The following POLR3B variants were observed in gnomAD, a reference collection of about 807,000 sequenced individuals.
POLR3B encodes RNA polymerase III subunit B.
In POLR3B, 96 loss-of-function variants were observed where a neutral mutation model predicts 147.4. The observed-to-expected ratio is 0.65, with a 90% CI of 0.55 to 0.77. The LOEUF (loss-of-function observed/expected upper bound fraction) is 0.77, where lower values mean the gene tolerates loss of function less well. Ranked by LOEUF, POLR3B falls within the 30% of genes least tolerant of loss-of-function variation. The pLI is 0.00. For synonymous variants in POLR3B, 461 were observed against 485.9 expected (o/e 0.95, Z 0.67); for missense variants, 1,036 against 1,413.5 (o/e 0.73, Z 4.28).
In POLR3B at chr12:106,380,117, T is replaced by C. The variant is rs750692716; in HGVS notation, c.701T>C (p.Ile234Thr). ...AGGCATAATACTTTGTCAGAAGATA[T>C]ACCCATTGTCATCATATTTAAGGTA... is the stretch of plus-strand genomic sequence containing the variant. ...YLRHNTLSED[I>T]PIVIIFKAMG... is the part of the protein sequence containing the mutation. Residue 234 changes from isoleucine to threonine, a missense_variant, in exon 9 of 28, where the codon ATA becomes ACA. Physicochemically the swap from Ile to Thr is moderately conservative, Grantham distance 89. Coordinates refer to ENST00000228347, the MANE Select transcript of POLR3B (RefSeq NM_018082.6). 14 of 1,593,302 alleles carry C rather than the reference T, an allele frequency of 8.8e-6. No individual in the cohort carries two copies. Among genetic ancestry groups the C allele is most frequent in the South Asian group, 1.1e-5 (1 of 90,672 alleles).
intron 19 of POLR3B, among the ~76,000 whole-genome samples, chr12:106,453,050 G>C (rs1392830671): frequency 6.8e-6 from 1 of 147,308 alleles, no homozygotes; most frequent in Non-Finnish European, 1.5e-5. Flanking sequence ...TTTGAGACAG[G>C]GTCTTGCTCT....
At chr12:106,477,238 G>A (rs1435845843) in intron 23 of POLR3B, among the ~76,000 whole-genome samples, 1 of 99,188 alleles carries the variant, frequency 1.0e-5, no homozygotes, top group Non-Finnish European at 1.9e-5. Flanking sequence ...CAGATCTCAA[G>A]CTGCGTGCTG....
chr12:106,405,536 G>A (rs1242191290), intron 10 of POLR3B, among the ~76,000 whole-genome samples: 1 of 65,582 alleles, frequency 1.5e-5, no homozygotes, highest in Non-Finnish European at 3.0e-5. Context: ...GCTGCTATAT[G>A]TCTACACACA....
chr12:106,440,823 C>T (rs2037640697), intron 18 of POLR3B, among the ~76,000 whole-genome samples: 2 of 151,644 alleles, frequency 1.3e-5, no homozygotes, highest in South Asian at 4.2e-4. Context: ...CACTTAGAAG[C>T]TTCACGAAGG....
At chr12:106,375,519 T>A (rs2036666145) in intron 6 of POLR3B, among the ~76,000 whole-genome samples, 1 of 152,266 alleles carries the variant, frequency 6.6e-6, no homozygotes, top group African/African-American at 2.4e-5. Context: ...CTTCCATCTC[T>A]ACGTCTTTCT....
intron 20 of POLR3B, among the ~76,000 whole-genome samples, chr12:106,455,051 T>A (rs1390150659): frequency 1.3e-5 from 2 of 152,194 alleles, no homozygotes; most frequent in African/African-American, 2.4e-5. Context: ...CTGTGTCTAG[T>A]GATACATATT....
intron 16 of POLR3B, among the ~76,000 whole-genome samples, chr12:106,434,378 C>CT (rs2037549558): frequency 1.3e-5 from 2 of 151,912 alleles, no homozygotes; most frequent in African/African-American, 4.8e-5. Flanking sequence ...ACAAACTGAG[C>CT]TTTAAAGGAG....
chr12:106,371,393 G>C (rs2036604354), intron 6 of POLR3B, among the ~76,000 whole-genome samples: 3 of 152,082 alleles, frequency 2.0e-5, no homozygotes, highest in Non-Finnish European at 4.4e-5. Flanking sequence ...ATTCCTCAGG[G>C]ATCTAGAACT....
intron 23 of POLR3B, among the ~76,000 whole-genome samples, chr12:106,489,444 A>G (rs1343008424): frequency 6.6e-6 from 1 of 152,228 alleles, no homozygotes; most frequent in Admixed American, 6.5e-5. Context: ...TTATAAGGTC[A>G]CTTGCTTCCA....
At chr12:106,465,347 A>G (rs916030093) in intron 23 of POLR3B, among the ~76,000 whole-genome samples, 3 of 152,200 alleles carry the variant, frequency 2.0e-5, no homozygotes, top group Non-Finnish European at 4.4e-5. Context: ...CCCCTTCTGA[A>G]TCAGTTTACA....
intron 23 of POLR3B, 80 bp downstream of exon 23, chr12:106,463,700 T>C (rs1156723824): frequency 8.4e-7 from 1 of 1,186,604 alleles, no homozygotes; most frequent in Non-Finnish European, 1.2e-6. Context: ...AATTCCCCCA[T>C]TTAAAAAATT....
At chr12:106,400,316 G>A (rs946125449) in intron 10 of POLR3B, among the ~76,000 whole-genome samples, 1 of 152,158 alleles carries the variant, frequency 6.6e-6, no homozygotes, top group African/African-American at 2.4e-5. Flanking sequence ...CAATATAGGA[G>A]CACCCAGATT....
chr12:106,394,923 A>G lies in POLR3B; in HGVS notation c.846+1770A>G, dbSNP rs143614459. On this transcript the variant is annotated intron_variant, in intron 10 of 27. Coordinates refer to ENST00000228347, the MANE Select transcript of POLR3B (RefSeq NM_018082.6). ...ACCCAAAATAGTTGGTATGTAGAAC[A>G]TATATTAACAGTTACGAAAACATGA... 1.4e-3 allele frequency among the ~76,000 whole-genome samples: 214 copies of G among 152,384 alleles called. 2 individuals are homozygous for G. Among genetic ancestry groups the G allele is most frequent in the African/African-American group, 4.8e-3 (200 of 41,596 alleles).
intron 1 of POLR3B, among the ~76,000 whole-genome samples, chr12:106,363,136 T>C (rs1416351084): frequency 1.3e-5 from 2 of 152,192 alleles, no homozygotes; most frequent in African/African-American, 4.8e-5. Context: ...CTCTTCTCCA[T>C]CTACATTCCA....
At chr12:106,468,268 G>C (rs12369273) in intron 23 of POLR3B, among the ~76,000 whole-genome samples, 59,612 of 152,064 alleles carry the variant, frequency 0.39, 13,835 homozygotes, top group African/African-American at 0.65. Flanking sequence ...TCTGATGGTA[G>C]TTTGTATTTC....
chr12:106,429,168 GC>G (rs556241677), intron 13 of POLR3B, among the ~76,000 whole-genome samples: 103 of 152,152 alleles, frequency 6.8e-4, no homozygotes, highest in Non-Finnish European at 1.3e-3. Context: ...TGCTCTTTTT[GC>G]TTTTTTTTGG....
chr12:106,491,812 T>A (rs1158387908), intron 23 of POLR3B, among the ~76,000 whole-genome samples: 1 of 152,130 alleles, frequency 6.6e-6, no homozygotes, highest in South Asian at 2.1e-4. Context: ...TCCCCAGCAA[T>A]TGAGGGAAAT....
At chr12:106,376,519 C>A in intron 7 of POLR3B, 69 bp downstream of exon 7, 1 of 1,110,172 alleles carries the variant, frequency 9.0e-7, no homozygotes, top group East Asian at 2.4e-5. Context: ...GTGGTTTTAA[C>A]ATTTTGTCTC....
chr12:106,496,737 G>A lies in POLR3B; in HGVS notation c.2818-15G>A, dbSNP rs767647410. 6 of 1,613,796 alleles carry A rather than the reference G, an allele frequency of 3.7e-6. No individual in the cohort carries two copies. In the East Asian group the frequency reaches 1.3e-4, roughly 36 times the overall value. The stretch of plus-strand genomic sequence containing the variant: ...CCACAGGGAGGTGCTCACTTAATTT[G>A]TTCACATCCTGCAGGTGGGGAAGCT... On this transcript the variant is annotated splice_polypyrimidine_tract_variant and intron_variant, in intron 24 of 27. Transcript: ENST00000228347.
Sources: gnomAD v4.1 joint callset for allele counts (sites outside exome capture counted in the v4.1 genomes callset) on GRCh38, gnomAD v4.1.1 for gene constraint, MANE v1.5 for transcripts, NCBI Gene and HGNC (gene_info 2026-07-23, HGNC 2026-07-21) for gene names.